ZNF407: variants seen among roughly 807,000 people sequenced by gnomAD.
ZNF407 encodes the protein zinc finger protein 407.
ZNF407 carries 17 observed loss-of-function variants against 131.2 expected under a neutral mutation model. The ratio of observed to expected loss-of-function variants is 0.13; its 90% CI spans 0.09 to 0.19. ZNF407 has a LOEUF of 0.19. Ranked by LOEUF, ZNF407 falls within the 10% of genes least tolerant of loss-of-function variation. The pLI is 1.00. For synonymous variants in ZNF407, 1,156 were observed against 1,062.0 expected (o/e 1.09, Z -1.72); for missense variants, 2,681 against 2,830.6 (o/e 0.95, Z 1.20).
intron 8 of ZNF407, among the ~76,000 whole-genome samples, chr18:74,943,092 A>C (rs898365486): frequency 6.6e-6 from 1 of 151,170 alleles, no homozygotes; most frequent in Non-Finnish European, 1.5e-5. Flanking sequence ...ATTTTTTTGT[A>C]CTTTTAGTAG....
rs887872870 is a variant in ZNF407 at position 74,823,711 on chromosome 18, G to C, written c.4877+42209G>C. Among the ~76,000 whole-genome samples the C allele has an allele frequency of 2.0e-5, 3 of 152,258 alleles. No individual in the cohort carries two copies. The South Asian group carries it at 6.2e-4, about 32-fold the overall frequency. On this transcript the variant is annotated intron_variant, in intron 4 of 8. Transcript: ENST00000299687. ...ATACGGGAACACCCAGATTCATAAAGCAAGTTCTTAGAGACCTACAAAGTG... is the reference window on the plus strand; with the variant it reads ...ATACGGGAACACCCAGATTCATAAACCAAGTTCTTAGAGACCTACAAAGTG...
chr18:74,632,179 C>A lies in ZNF407; in HGVS notation c.1160C>A (p.Thr387Asn). The change falls in exon 2 of 9, where the codon ACC becomes AAC. Residue 387 changes from threonine (T) to asparagine (N), a missense_variant. Around this residue, in one of 6 missense-constraint regions of ZNF407, gnomAD observed 1,789 missense variants for 1,748.7 expected, o/e 1.02. Coordinates refer to ENST00000299687, the MANE Select transcript of ZNF407 (RefSeq NM_017757.3). ...AGTAGAAAGCTAGACACCTTAGTAACCTCAGAGGGTCTCTTAGAGAAATTG... is the reference window on the plus strand; with the variant it reads ...AGTAGAAAGCTAGACACCTTAGTAAACTCAGAGGGTCTCTTAGAGAAATTG... ...NQSRKLDTLVTSEGLLEKLES... is the reference protein window; with the variant it reads ...NQSRKLDTLVNSEGLLEKLES... The A allele has an allele frequency of 6.2e-7, 1 of 1,613,956 alleles. No homozygotes were observed. Among genetic ancestry groups the A allele is most frequent in the Non-Finnish European group, 8.5e-7 (1 of 1,179,896 alleles).
At position 74,621,118 on chromosome 18, in the gene ZNF407, T is replaced by G. The variant is rs1983493001; in HGVS notation, c.-53-9849T>G. 5.9e-5 allele frequency among the ~76,000 whole-genome samples: 9 copies of G among 152,286 alleles called. 1 individual carries two copies. In the South Asian group the frequency reaches 1.9e-3, roughly 32 times the overall value. On this transcript the variant is annotated intron_variant, in intron 1 of 8. Coordinates refer to ENST00000299687, the MANE Select transcript of ZNF407 (RefSeq NM_017757.3). ...TACTGTATCTCTTTATTATTATTAT[T>G]TTTTAATGTTTAATTTTGTGGGTAC...
intron 8 of ZNF407, among the ~76,000 whole-genome samples, chr18:74,942,501 A>G (rs566586622): frequency 1.3e-5 from 2 of 152,322 alleles, no homozygotes; most frequent in African/African-American, 4.8e-5. Context: ...CAGAAACCCA[A>G]GACTTTCCCT....
rs1001807972 is a variant in ZNF407 at position 75,049,768 on chromosome 18, C to T, written c.5429-13382C>T. On this transcript the variant is annotated intron_variant, in intron 8 of 8. Transcript: ENST00000299687. ...AGCCATTCTTTATGCATTTTAAGTC[C>T]CCAGTTATTTTTGTTTCTTTTCTCT... Among the ~76,000 whole-genome samples, 6 of 152,024 alleles carry T rather than the reference C, an allele frequency of 3.9e-5. No homozygotes were observed. In the South Asian group the frequency reaches 1.0e-3, roughly 26 times the overall value.
At position 74,631,265 on chromosome 18, in the gene ZNF407, G is replaced by A. The variant is rs748374834; in HGVS notation, c.246G>A (p.Glu82=). 92 of 1,613,876 alleles carry A rather than the reference G, an allele frequency of 5.7e-5. No individual in the cohort carries two copies. The highest frequency in any genetic ancestry group is 7.3e-5 in the Non-Finnish European group (86 of 1,179,904). The change falls in exon 2 of 9, where the codon GAG becomes GAA. Residue 82 remains glutamate (E), a synonymous_variant. Coordinates refer to ENST00000299687, the MANE Select transcript of ZNF407 (RefSeq NM_017757.3). ...ASKRRKLDEA[E]PLKSGKQGIC... ...AACGCAGGAAATTAGATGAGGCAGA[G>A]CCCCTTAAATCTGGAAAGCAAGGTA... is the stretch of plus-strand genomic sequence containing the variant.
rs1046731927 is a variant in ZNF407, at chr18:74,841,579, A to G, written c.4878-35618A>G. Among the ~76,000 whole-genome samples, 13 of 152,198 alleles carry G rather than the reference A, an allele frequency of 8.5e-5. 1 individual carries two copies. Among genetic ancestry groups the G allele is most frequent in the African/African-American group, 2.9e-4 (12 of 41,438 alleles). ...ATCACCTGTGTTCACCCAGGTGCCC[A>G]CCACAGTGACTGCTACGTAAAAGGC... On this transcript the variant is annotated intron_variant, in intron 4 of 8. Coordinates refer to ENST00000299687, the MANE Select transcript of ZNF407 (RefSeq NM_017757.3).
At chr18:74,715,132 C>T (rs1388349799) in intron 3 of ZNF407, among the ~76,000 whole-genome samples, 1 of 152,168 alleles carries the variant, frequency 6.6e-6, no homozygotes, top group African/African-American at 2.4e-5. Context: ...TTTACTTGTA[C>T]TTACAGTATC....
At chr18:74,942,918 CTT>C (rs11331408) in intron 8 of ZNF407, among the ~76,000 whole-genome samples, 3,997 of 147,702 alleles carry the variant, frequency 0.027, 189 homozygotes, top group African/African-American at 0.092. Flanking sequence ...TTTATTTTAT[CTT>C]TTTTTTTTTG....
intron 3 of ZNF407, among the ~76,000 whole-genome samples, chr18:74,709,151 C>T (rs1200757157): frequency 6.6e-6 from 1 of 151,988 alleles, no homozygotes; most frequent in Non-Finnish European, 1.5e-5. Context: ...TCCAGTAAAA[C>T]AAATAAAATA....
chr18:74,703,694 AT>A lies in ZNF407; in HGVS notation c.4802+62582del, dbSNP rs541481003. ...ATCTCTTTTATGGGCTATGAGATTG[AT>A]TTTTTTTTTAACTGAATATGGTAAT... is the stretch of plus-strand genomic sequence containing the variant. On this transcript the variant is annotated intron_variant, in intron 3 of 8. Transcript: ENST00000299687. This position sits in a 1 kb window ranked among gnomAD's most constrained non-coding sequence, Gnocchi z 4.1. Among the ~76,000 whole-genome samples the A allele has an allele frequency of 1.6e-4, 24 of 149,884 alleles. No individual in the cohort carries two copies. Among genetic ancestry groups the A allele is most frequent in the African/African-American group, 2.4e-4 (10 of 40,940 alleles).
At chr18:74,731,710 C>G (rs1166309550) in intron 3 of ZNF407, among the ~76,000 whole-genome samples, 2 of 151,970 alleles carry the variant, frequency 1.3e-5, no homozygotes, top group East Asian at 3.9e-4. Flanking sequence ...ATTTCATATA[C>G]TTGTGTGAGA....
At chr18:74,919,281 C>T (rs989663655) in intron 7 of ZNF407, among the ~76,000 whole-genome samples, 7 of 152,124 alleles carry the variant, frequency 4.6e-5, no homozygotes, top group African/African-American at 1.7e-4. Context: ...ACCAATATTT[C>T]CCAAGGTATA....
chr18:74,983,766 C>A (rs1399666502), intron 8 of ZNF407, among the ~76,000 whole-genome samples: 1 of 152,202 alleles, frequency 6.6e-6, no homozygotes, highest in Admixed American at 6.5e-5. Context: ...CCGTCTTTTC[C>A]TCAGCATGCT....
At chr18:74,881,542 G>A (rs549703742) in intron 6 of ZNF407, among the ~76,000 whole-genome samples, 5 of 152,028 alleles carry the variant, frequency 3.3e-5, no homozygotes, top group African/African-American at 9.6e-5. Context: ...TTTAGCTAGC[G>A]ACATGTCTAC....
At chr18:74,717,013 ATG>A (rs556673778) in intron 3 of ZNF407, among the ~76,000 whole-genome samples, 8 of 152,200 alleles carry the variant, frequency 5.3e-5, no homozygotes, top group Non-Finnish European at 8.8e-5. Context: ...GTGGTATAGT[ATG>A]TGTTGTTATT....
At chr18:74,618,678 C>T (rs1333990447) in intron 1 of ZNF407, among the ~76,000 whole-genome samples, 3 of 152,078 alleles carry the variant, frequency 2.0e-5, no homozygotes, top group African/African-American at 4.8e-5. Flanking sequence ...CACCTCTTCC[C>T]CGCAAAGTAA....
intron 7 of ZNF407, chr18:74,905,335 G>C (rs954862005): frequency 6.6e-5 from 10 of 152,246 alleles, no homozygotes; most frequent in African/African-American, 2.2e-4. Flanking sequence ...CTTGCTCCCA[G>C]ACGTTTAGAA....
chr18:74,785,673 C>T lies in ZNF407; in HGVS notation c.4877+4171C>T, dbSNP rs377468441. Among the ~76,000 whole-genome samples the T allele has an allele frequency of 2.7e-4, 41 of 152,248 alleles. 2 individuals carry two copies. The highest frequency in any genetic ancestry group is 1.5e-3 in the Admixed American group (23 of 15,286). On this transcript the variant is annotated intron_variant, in intron 4 of 8. Coordinates refer to ENST00000299687, the MANE Select transcript of ZNF407 (RefSeq NM_017757.3). ...GCTATTTTTCAAGTTTACACAGGAGCGTCACCTTTTTTTTATGAAACATGA... is the reference window on the plus strand; with the variant it reads ...GCTATTTTTCAAGTTTACACAGGAGTGTCACCTTTTTTTTATGAAACATGA...
Sources: allele counts gnomAD v4.1 joint callset (sites outside exome capture counted in the v4.1 genomes callset), GRCh38; gene constraint gnomAD v4.1.1; regional missense constraint gnomAD v4.1.1; non-coding constraint Gnocchi (gnomAD v3.1); transcripts MANE v1.5; gene names NCBI Gene and HGNC (gene_info 2026-07-23, HGNC 2026-07-21).